CAPRIN1: variants seen among roughly 807,000 people sequenced by gnomAD.
CAPRIN1 encodes the protein cell cycle associated protein 1, also known as caprin-1.
CAPRIN1 carries 29 observed loss-of-function variants against 100.9 expected under a neutral mutation model. The observed-to-expected ratio is 0.29, with a 90% CI of 0.21 to 0.39. The LOEUF (loss-of-function observed/expected upper bound fraction) is 0.39. Among genes scored for constraint, CAPRIN1 ranks in the 10% least tolerant of loss-of-function variants. The pLI is 1.00. For synonymous variants in CAPRIN1, 338 were observed against 307.5 expected, an observed-to-expected ratio of 1.10 and a Z score of -1.04; for missense variants, 795 against 876.7, an observed-to-expected ratio of 0.91 and a Z score of 1.18.
chr11:34,069,252 C>T (rs954347626), intron 2 of CAPRIN1, among the ~76,000 whole-genome samples: 2 of 150,706 alleles, frequency 1.3e-5, no homozygotes, highest in African/African-American at 4.9e-5. Flanking sequence ...CGGGTTCAAG[C>T]GATTCTCCTG....
At chr11:34,055,081 A>C (rs572145560) in intron 2 of CAPRIN1, among the ~76,000 whole-genome samples, 132 of 152,266 alleles carry the variant, frequency 8.7e-4, no homozygotes, top group African/African-American at 3.0e-3. Flanking sequence ...TTGAACCATG[A>C]CTGGTCATTA....
rs555643437 is a variant in CAPRIN1, at chr11:34,052,290, C to T, written c.1-131C>T. 291 of 759,664 alleles carry T rather than the reference C, an allele frequency of 3.8e-4. 1 individual carries two copies. The highest frequency in any genetic ancestry group is 1.0e-3 in the East Asian group (34 of 32,602). The allele number at this position is 759,664 out of a possible 1,614,324, so 47.1% of individuals were successfully genotyped here. A position where few individuals can be genotyped will look rare whatever the true frequency, so the allele number is the denominator to read the frequency against. ...TTCCTGCCCTCGAGGCGCGCCGCGCCCCCTCCCCCACCCGCTCGCGTAGGC... is the reference window on the plus strand; with the variant it reads ...TTCCTGCCCTCGAGGCGCGCCGCGCTCCCTCCCCCACCCGCTCGCGTAGGC... On this transcript the variant is annotated intron_variant, in intron 1 of 18. Coordinates refer to ENST00000341394, the MANE Select transcript of CAPRIN1 (RefSeq NM_005898.5).
intron 9 of CAPRIN1, 38 bp downstream of exon 9, chr11:34,083,079 C>G: frequency 7.2e-7 from 1 of 1,383,956 alleles, no homozygotes; most frequent in Middle Eastern, 1.8e-4. Context: ...TTGTCTTTGT[C>G]TTCAGTTAGT....
chr11:34,057,973 A>G (rs779811148), intron 2 of CAPRIN1, among the ~76,000 whole-genome samples: 1 of 151,880 alleles, frequency 6.6e-6, no homozygotes, highest in Non-Finnish European at 1.5e-5. Flanking sequence ...CACCCACTTC[A>G]GCCTCCAAAG....
intron 4 of CAPRIN1, among the ~76,000 whole-genome samples, chr11:34,076,028 C>G (rs1300045264): frequency 6.6e-6 from 1 of 152,146 alleles, no homozygotes; most frequent in East Asian, 1.9e-4. Context: ...AAAATACCTT[C>G]TAGGGAAAGA....
chr11:34,064,633 T>G (rs1850650526), intron 2 of CAPRIN1, among the ~76,000 whole-genome samples: 1 of 152,252 alleles, frequency 6.6e-6, no homozygotes, highest in South Asian at 2.1e-4. Context: ...AGAGGCTTTC[T>G]GTTTATAGTG....
At chr11:34,058,531 C>T (rs984616414) in intron 2 of CAPRIN1, among the ~76,000 whole-genome samples, 1 of 152,206 alleles carries the variant, frequency 6.6e-6, no homozygotes, top group East Asian at 1.9e-4. Flanking sequence ...CAAGTAAAGC[C>T]TTTTGCTTCA....
At chr11:34,063,014 T>G (rs1212170054) in intron 2 of CAPRIN1, 1 of 152,172 alleles carries the variant, frequency 6.6e-6, no homozygotes, top group Non-Finnish European at 1.5e-5. Context: ...TCTTCTTAAA[T>G]TTTTTATTTG....
intron 2 of CAPRIN1, among the ~76,000 whole-genome samples, chr11:34,062,640 AAAG>A (rs1344300976): frequency 6.6e-6 from 1 of 151,890 alleles, no homozygotes; most frequent in Non-Finnish European, 1.5e-5. Context: ...AAAAAAAAAA[AAAG>A]GAAAACTGCT....
At chr11:34,071,354 A>G (rs1263305848) in intron 2 of CAPRIN1, among the ~76,000 whole-genome samples, 1 of 152,096 alleles carries the variant, frequency 6.6e-6, no homozygotes, top group Admixed American at 6.6e-5. Flanking sequence ...ACCTGAGGTC[A>G]GGAGTTTGAG....
chr11:34,089,491 G>T (rs1334631832), intron 12 of CAPRIN1, 35 bp downstream of exon 12: 3 of 1,293,578 alleles, frequency 2.3e-6, no homozygotes, highest in Non-Finnish European at 3.4e-6. Context: ...TCAGGGCCAG[G>T]TTAGGTGGCT....
At chr11:34,093,199 TATATA>T (rs755491297) in intron 15 of CAPRIN1, among the ~76,000 whole-genome samples, 1 of 149,782 alleles carries the variant, frequency 6.7e-6, no homozygotes, top group African/African-American at 2.5e-5. Context: ...TTTTTTTATA[TATATA>T]TTTTTTTAAG....
intron 2 of CAPRIN1, chr11:34,053,025 G>A: frequency 7.7e-6 from 8 of 1,041,726 alleles, no homozygotes; most frequent in Non-Finnish European, 9.2e-6. Context: ...AAATGAAGAG[G>A]TCCCTGCGCG....
At position 34,070,765 on chromosome 11, in the gene CAPRIN1, C is replaced by T. The variant is rs374204333; in HGVS notation, c.217-961C>T. ...TTGCCCAGGCTGGAGTGCAATGGTG[C>T]GATCTCGGCTCACCGCAGCCTCTGC... On this transcript the variant is annotated intron_variant, in intron 2 of 18. Transcript: ENST00000341394. 1.3e-4 allele frequency among the ~76,000 whole-genome samples: 20 copies of T among 151,440 alleles called. No homozygotes were observed. In the East Asian group the frequency reaches 2.5e-3, roughly 19 times the overall value.
intron 7 of CAPRIN1, 140 bp downstream of exon 7, chr11:34,079,905 G>GTTTTTTTTTTTTTTTTTTTT (rs377455073): frequency 3.2e-6 from 1 of 316,642 alleles, no homozygotes; most frequent in African/African-American, 2.9e-5. Context: ...GCATGACAAA[G>GTTTTTTTTTTTTTTTTTTTT]TTTTTTTTTT....
In CAPRIN1 at chr11:34,096,556, A is replaced by C. The variant is rs1395099231; in HGVS notation, c.1783A>C (p.Thr595Pro). ...GNHQQPPQQN[T>P]GFPRSNQPYY... ...CCACCAGCAGCCTCCTCAGCAGAAC[A>C]CTGGATTTCCACGTAGCAATCAGCC... The change falls in exon 16 of 19, where the codon ACT (threonine) becomes CCT (proline). Residue 595 changes from threonine (T) to proline (P), a missense_variant. Thr to Pro is a conservative substitution (Grantham distance 38). Around this residue, in one of 3 missense-constraint regions of CAPRIN1, gnomAD observed 648 missense variants for 697.9 expected, o/e 0.93. Transcript: ENST00000341394. The C allele has an allele frequency of 6.2e-7, 1 of 1,614,092 alleles. No individual in the cohort carries two copies. The highest frequency in any genetic ancestry group is 8.5e-7 in the Non-Finnish European group (1 of 1,179,988).
At chr11:34,053,194 G>T in intron 2 of CAPRIN1, 3 of 979,876 alleles carry the variant, frequency 3.1e-6, no homozygotes, top group Non-Finnish European at 3.6e-6. Context: ...AGGTAGAACT[G>T]CCTTTCCGGC....
intron 2 of CAPRIN1, chr11:34,052,853 C>T: frequency 7.0e-7 from 1 of 1,431,672 alleles, no homozygotes; most frequent in Non-Finnish European, 9.1e-7. Context: ...CTGACTCGGA[C>T]GCGGCACTGT....
chr11:34,082,899 G>A (rs1391319299), intron 8 of CAPRIN1, 22 bp downstream of exon 8: 1 of 1,613,102 alleles, frequency 6.2e-7, no homozygotes, highest in Non-Finnish European at 8.5e-7. Flanking sequence ...ATTTAATGCT[G>A]CCTTTACTTT....
Sources: allele counts gnomAD v4.1 joint callset (sites outside exome capture counted in the v4.1 genomes callset), GRCh38; gene constraint gnomAD v4.1.1; regional missense constraint gnomAD v4.1.1; transcripts MANE v1.5; gene names NCBI Gene and HGNC (gene_info 2026-07-23, HGNC 2026-07-21).